Variants in MARCHF1 observed in about 807,000 individuals in gnomAD.
MARCHF1 encodes membrane associated ring-CH-type finger 1.
MARCHF1 carries 40 observed loss-of-function variants against 54.2 expected under a neutral mutation model. That is an observed-to-expected ratio of 0.74 (90% confidence interval 0.57 to 0.96). MARCHF1 has a LOEUF of 0.96. Ranked by LOEUF, MARCHF1 falls within the 40% of genes least tolerant of loss-of-function variation. The pLI is 0.00. For synonymous variants in MARCHF1, 236 were observed against 236.3 expected (o/e 1.00, Z 0.01); for missense variants, 586 against 656.5 (o/e 0.89, Z 1.17).
intron 3 of MARCHF1, among the ~76,000 whole-genome samples, chr4:163,964,397 G>A (rs1012002938): frequency 4.6e-5 from 7 of 151,912 alleles, no homozygotes; most frequent in Admixed American, 2.0e-4. Context: ...TACAAACAGT[G>A]TGAGTTACGT....
chr4:164,066,489 C>T, intron 2 of MARCHF1, among the ~76,000 whole-genome samples: 1 of 152,092 alleles, frequency 6.6e-6, no homozygotes, highest in African/African-American at 2.4e-5. Context: ...GACAGAAATA[C>T]CATTCAACCC....
intron 1 of MARCHF1, among the ~76,000 whole-genome samples, chr4:164,234,010 C>T (rs1263422226): frequency 6.6e-6 from 1 of 152,082 alleles, no homozygotes; most frequent in Non-Finnish European, 1.5e-5. Context: ...ATTTCTGAAG[C>T]ATTTTTCAAT....
intron 1 of MARCHF1, among the ~76,000 whole-genome samples, chr4:164,124,819 G>C (rs919353273): frequency 6.6e-6 from 1 of 151,978 alleles, no homozygotes; most frequent in African/African-American, 2.4e-5. Context: ...GACAGTTAGT[G>C]TGCACTTTAA....
At chr4:163,829,065 G>C (rs1381388663) in intron 4 of MARCHF1, 1 of 152,218 alleles carries the variant, frequency 6.6e-6, no homozygotes, top group East Asian at 1.9e-4. Flanking sequence ...AACCAACCCT[G>C]TCAAGTCAGG....
At chr4:163,933,360 C>G (rs527688639) in intron 3 of MARCHF1, among the ~76,000 whole-genome samples, 1 of 152,148 alleles carries the variant, frequency 6.6e-6, no homozygotes, top group Non-Finnish European at 1.5e-5. Context: ...TTTATGTATA[C>G]GGAATCATCT....
chr4:164,238,594 C>T (rs1472640604), intron 1 of MARCHF1, among the ~76,000 whole-genome samples: 1 of 151,716 alleles, frequency 6.6e-6, no homozygotes, highest in Non-Finnish European at 1.5e-5. Context: ...TAAAAAAATC[C>T]ATTATTCCAT....
At chr4:164,188,759 G>T (rs879016328) in intron 1 of MARCHF1, 14 of 956,696 alleles carry the variant, frequency 1.5e-5, no homozygotes, top group East Asian at 9.5e-5. Context: ...TAAACCATAC[G>T]TTCAAGTTGA....
chr4:163,615,489 A>G (rs1271228843), intron 5 of MARCHF1, among the ~76,000 whole-genome samples: 1 of 152,082 alleles, frequency 6.6e-6, no homozygotes, highest in East Asian at 1.9e-4. Flanking sequence ...ATGATGACCA[A>G]AAAAACCCCA....
chr4:163,918,685 C>A (rs1324772250), intron 3 of MARCHF1, among the ~76,000 whole-genome samples: 4 of 151,916 alleles, frequency 2.6e-5, no homozygotes. Context: ...TAAATTTATA[C>A]CTGAAGTCAT....
At chr4:164,187,153 T>C (rs1170983684) in intron 1 of MARCHF1, among the ~76,000 whole-genome samples, 1 of 152,128 alleles carries the variant, frequency 6.6e-6, no homozygotes, top group African/African-American at 2.4e-5. Context: ...ATTTGGTATT[T>C]CTGCTCATCC....
At chr4:163,976,727 G>A (rs1241345460) in intron 3 of MARCHF1, among the ~76,000 whole-genome samples, 1 of 152,190 alleles carries the variant, frequency 6.6e-6, no homozygotes, top group African/African-American at 2.4e-5. Flanking sequence ...GCCATGATGT[G>A]AAGAAGCAAA....
intron 1 of MARCHF1, among the ~76,000 whole-genome samples, chr4:164,265,126 T>G (rs1441083234): frequency 6.6e-6 from 1 of 152,128 alleles, no homozygotes; most frequent in African/African-American, 2.4e-5. Flanking sequence ...CTTTTGTGAA[T>G]CTCATTCATA....
chr4:164,027,392 A>AAAAAAAAAAAAAAAAAAAAAAAAAAAAAT lies in MARCHF1; in HGVS notation c.-247-38684_-247-38683insATTTTTTTTTTTTTTTTTTTTTTTTTTTT, dbSNP rs1553971149. On this transcript the variant is annotated intron_variant, in intron 2 of 9. Transcript: ENST00000514618. Reference sequence around the variant, plus strand: ...AAAAAAAAAAAAAAAAAAAAAAAAAAAGATACATAGATAAATGGATCTATA... The same window carrying AAAAAAAAAAAAAAAAAAAAAAAAAAAAAT: ...AAAAAAAAAAAAAAAAAAAAAAAAAAAAAAAAAAAAAAAAAAAAAAAAAAAAAATAGATACATAGATAAATGGATCTATA... Among the ~76,000 whole-genome samples the AAAAAAAAAAAAAAAAAAAAAAAAAAAAAT allele has an allele frequency of 7.8e-4, 46 of 59,006 alleles. 20 individuals are homozygous for AAAAAAAAAAAAAAAAAAAAAAAAAAAAAT. The highest frequency in any genetic ancestry group is 1.3e-3 in the Non-Finnish European group (38 of 29,976). The allele number at this position is 59,006 out of a possible 152,430, so 38.7% of individuals were successfully genotyped here.
chr4:164,335,087 G>A (rs113641771), intron 1 of MARCHF1, among the ~76,000 whole-genome samples: 1 of 152,190 alleles, frequency 6.6e-6, no homozygotes, highest in East Asian at 1.9e-4. Flanking sequence ...TGGTGAAGAT[G>A]CTGTGAACAT....
At chr4:163,944,972 C>T (rs1451129535) in intron 3 of MARCHF1, among the ~76,000 whole-genome samples, 3 of 152,144 alleles carry the variant, frequency 2.0e-5, no homozygotes, top group Non-Finnish European at 4.4e-5. Context: ...GTTGCTGGTT[C>T]ATCCTTCAAT....
chr4:163,748,652 C>T (rs1438187581), intron 4 of MARCHF1, among the ~76,000 whole-genome samples: 2 of 152,154 alleles, frequency 1.3e-5, no homozygotes, highest in Admixed American at 1.3e-4. Flanking sequence ...TAGATCTGGC[C>T]CATTGCCAGG....
intron 1 of MARCHF1, among the ~76,000 whole-genome samples, chr4:164,136,121 C>A (rs1364839186): frequency 3.3e-5 from 5 of 151,174 alleles, no homozygotes; most frequent in Non-Finnish European, 7.4e-5. Context: ...TTAAATATAT[C>A]CTCACTGGGA....
At chr4:163,609,659 T>C (rs4691930) in intron 7 of MARCHF1, among the ~76,000 whole-genome samples, 43,932 of 150,584 alleles carry the variant, frequency 0.29, 7,216 homozygotes, top group Middle Eastern at 0.38. Context: ...AATACACGTA[T>C]ATATTTATAT....
At chr4:164,190,730 T>C (rs1345462866) in intron 1 of MARCHF1, among the ~76,000 whole-genome samples, 2 of 152,198 alleles carry the variant, frequency 1.3e-5, no homozygotes, top group Admixed American at 6.5e-5. Context: ...AGAGAGACTA[T>C]CTGAGAATGT....
Sources: gnomAD v4.1 joint callset for allele counts (sites outside exome capture counted in the v4.1 genomes callset) on GRCh38, gnomAD v4.1.1 for gene constraint, MANE v1.5 for transcripts, NCBI Gene and HGNC (gene_info 2026-07-23, HGNC 2026-07-21) for gene names.